The following RBFOX3 variants were observed in gnomAD, a reference collection of about 807,000 sequenced individuals.
The protein encoded by RBFOX3 is RNA binding protein fox-1 homolog 3.
Under a neutral mutation model 48.7 loss-of-function variants are expected in RBFOX3, and 17 were observed. That is an observed-to-expected ratio of 0.35 (90% CI 0.24 to 0.52). RBFOX3 has a LOEUF of 0.52. RBFOX3 is among the 20% of genes least tolerant of loss of function. RBFOX3 has a pLI of 0.94. For synonymous variants in RBFOX3, 212 were observed against 209.5 expected, an observed-to-expected ratio of 1.01 and a Z score of -0.10; for missense variants, 382 against 497.5, an observed-to-expected ratio of 0.77 and a Z score of 2.21.
At chr17:79,148,504 C>G (rs762487212) in intron 4 of RBFOX3, among the ~76,000 whole-genome samples, 1 of 152,204 alleles carries the variant, frequency 6.6e-6, no homozygotes, top group Non-Finnish European at 1.5e-5. Flanking sequence ...CCACACCCCC[C>G]CAGACCATGG....
At chr17:79,376,278 T>C (rs1162183307) in intron 2 of RBFOX3, among the ~76,000 whole-genome samples, 4 of 152,204 alleles carry the variant, frequency 2.6e-5, no homozygotes, top group African/African-American at 9.6e-5. Flanking sequence ...CCTCCCATTT[T>C]TGGCCCCACT....
Position 79,333,812 on chromosome 17 carries a change from C to A in RBFOX3, c.-174-25988G>T, listed in dbSNP as rs908197381. ...ATACCTCCCACTCTGCCTCTGCCCC[C>A]ATTCCTGCCCTTCACCCCACGAGCA... On this transcript the variant is annotated intron_variant, in intron 2 of 14. Transcript: ENST00000693108. Among the ~76,000 whole-genome samples, 3 of 152,284 alleles carry A rather than the reference C, an allele frequency of 2.0e-5. No homozygotes were observed. In the East Asian group the frequency reaches 5.8e-4, roughly 29 times the overall value.
At chr17:79,384,151 G>A (rs999438677) in intron 2 of RBFOX3, among the ~76,000 whole-genome samples, 1 of 152,226 alleles carries the variant, frequency 6.6e-6, no homozygotes, top group African/African-American at 2.4e-5. Flanking sequence ...GCAGGTCCAG[G>A]CAGGGGAGCT....
chr17:79,659,750 G>A, the RBFOX3 span, among the ~76,000 whole-genome samples: 1 of 152,150 alleles, frequency 6.6e-6, no homozygotes, highest in Non-Finnish European at 1.5e-5. Flanking sequence ...TAGGCTCAAT[G>A]AATAGTCAGA....
intron 4 of RBFOX3, among the ~76,000 whole-genome samples, chr17:79,219,061 A>C (rs2147349363): frequency 6.6e-6 from 1 of 152,328 alleles, no homozygotes; most frequent in South Asian, 2.1e-4. Context: ...TGTGGGCCCC[A>C]CAGGCACCTG....
upstream of RBFOX3, among the ~76,000 whole-genome samples, chr17:79,614,466 A>G (rs2093986495): frequency 3.1e-5 from 2 of 64,094 alleles, no homozygotes; most frequent in Non-Finnish European, 6.8e-5. Flanking sequence ...GGAGCTGCCA[A>G]CCAGCTTTGC....
In RBFOX3 at chr17:79,421,582, G is replaced by A. The variant is rs1555722376; in HGVS notation, c.-175+60872C>T. ...TGACCCATGCTGGCATTGGGTGACA[G>A]GAGGGGGCCCCAGAAGTTGAGGACA... On this transcript the variant is annotated intron_variant, in intron 2 of 14. Coordinates refer to ENST00000693108, the MANE Select transcript of RBFOX3 (RefSeq NM_001350451.2). This position sits in a 1 kb window ranked among gnomAD's most constrained non-coding sequence, Gnocchi z 4.5. Among the ~76,000 whole-genome samples the A allele has an allele frequency of 6.6e-6, 1 of 152,174 alleles. No individual in the cohort carries two copies. Among genetic ancestry groups the A allele is most frequent in the East Asian group, 1.9e-4 (1 of 5,190 alleles).
At chr17:79,261,462 C>T (rs969517260) in intron 3 of RBFOX3, among the ~76,000 whole-genome samples, 2 of 152,194 alleles carry the variant, frequency 1.3e-5, no homozygotes, top group African/African-American at 2.4e-5. Flanking sequence ...TGGAAGGAGC[C>T]GGAGGCAGAG....
chr17:79,608,945 C>G (rs2093904920), intron 1 of RBFOX3, among the ~76,000 whole-genome samples: 1 of 151,850 alleles, frequency 6.6e-6, no homozygotes, highest in African/African-American at 2.4e-5. Context: ...ATGCCGCCCC[C>G]ACGCCCCCAC....
intron 3 of RBFOX3, among the ~76,000 whole-genome samples, chr17:79,280,392 G>A (rs908858110): frequency 6.6e-6 from 1 of 152,154 alleles, no homozygotes; most frequent in African/African-American, 2.4e-5. Flanking sequence ...GTGTGAGATG[G>A]AGAAGACACA....
chr17:79,362,118 C>T lies in RBFOX3; in HGVS notation c.-174-54294G>A, dbSNP rs903239213. Reference sequence around the variant, plus strand: ...TCACTCCCTTCGAGAGAATCCACTCCACTGCCAGCTCACACACAGCCCTCC... The same window carrying T: ...TCACTCCCTTCGAGAGAATCCACTCTACTGCCAGCTCACACACAGCCCTCC... On this transcript the variant is annotated intron_variant, in intron 2 of 14. Transcript: ENST00000693108. The surrounding 1 kb of genome is among the most constrained non-coding windows in gnomAD (Gnocchi z 4.2). Among the ~76,000 whole-genome samples the T allele has an allele frequency of 1.3e-5, 2 of 152,210 alleles. No homozygotes were observed. Among genetic ancestry groups the T allele is most frequent in the Non-Finnish European group, 2.9e-5 (2 of 68,026 alleles).
At chr17:79,611,128 C>CT (rs2093960330), upstream of RBFOX3, among the ~76,000 whole-genome samples, 5 of 45,270 alleles carry the variant, frequency 1.1e-4, no homozygotes, top group East Asian at 6.0e-4. Flanking sequence ...TCTCCGCCCT[C>CT]CTTCTCTCTC....
rs2057325568 is a variant in RBFOX3 at position 79,205,181 on chromosome 17, G to A, written c.-34+30585C>T. Among the ~76,000 whole-genome samples the A allele has an allele frequency of 6.6e-6, 1 of 152,182 alleles. No homozygotes were observed. Among genetic ancestry groups the A allele is most frequent in the Non-Finnish European group, 1.5e-5 (1 of 68,036 alleles). On this transcript the variant is annotated intron_variant, in intron 4 of 14. Transcript: ENST00000693108. The surrounding 1 kb of genome is among the most constrained non-coding windows in gnomAD (Gnocchi z 4.5). ...CAGATGGACCTGTGGATACTTGCCA[G>A]AGAACCTGTGTCCTGGGGAAGGGGA...
chr17:79,549,979 G>A (rs1344562225), intron 1 of RBFOX3, among the ~76,000 whole-genome samples: 6 of 152,132 alleles, frequency 3.9e-5, no homozygotes, highest in East Asian at 3.9e-4. Flanking sequence ...AGGGCAGGAC[G>A]TGGGCATGCT....
intron 2 of RBFOX3, among the ~76,000 whole-genome samples, chr17:79,425,768 G>A (rs2067241641): frequency 6.6e-6 from 1 of 152,186 alleles, no homozygotes; most frequent in South Asian, 2.1e-4. Context: ...GGAGATTGGG[G>A]GCCCGGGGGT....
At chr17:79,320,959 G>C (rs779069354) in intron 2 of RBFOX3, among the ~76,000 whole-genome samples, 1 of 152,146 alleles carries the variant, frequency 6.6e-6, no homozygotes, top group African/African-American at 2.4e-5. Flanking sequence ...AAAAGCTCCC[G>C]TCACAGCAAC....
chr17:79,528,598 C>A (rs1461713901), intron 1 of RBFOX3, among the ~76,000 whole-genome samples: 1 of 151,942 alleles, frequency 6.6e-6, no homozygotes, highest in African/African-American at 2.4e-5. Context: ...AAGATGAGGA[C>A]ATTTTGGAGT....
Position 79,195,470 on chromosome 17 carries a change from G to A in RBFOX3, c.-34+40296C>T, listed in dbSNP as rs1276889827. ...CTGGGTCTCTTCTTAGAGTAAGGCC[G>A]CACGCAAGTCTGTGTGGGCAGGAAG... On this transcript the variant is annotated intron_variant, in intron 4 of 14. Transcript: ENST00000693108. This position sits in a 1 kb window ranked among gnomAD's most constrained non-coding sequence, Gnocchi z 5.3. Among the ~76,000 whole-genome samples, 2 of 151,952 alleles carry A rather than the reference G, an allele frequency of 1.3e-5. No individual in the cohort carries two copies. The highest frequency in any genetic ancestry group is 2.9e-5 in the Non-Finnish European group (2 of 68,010).
chr17:79,656,809 A>AG, the RBFOX3 span, among the ~76,000 whole-genome samples: 177 of 76,730 alleles, frequency 2.3e-3, 3 homozygotes, highest in Non-Finnish European at 3.2e-3. Context: ...AAAGAAAGAA[A>AG]AGAAAGAGAA....
Sources: allele counts gnomAD v4.1 joint callset (sites outside exome capture counted in the v4.1 genomes callset), GRCh38; gene constraint gnomAD v4.1.1; non-coding constraint Gnocchi (gnomAD v3.1); transcripts MANE v1.5; gene names NCBI Gene and HGNC (gene_info 2026-07-23, HGNC 2026-07-21).